Variants in SMIM45 observed in about 807,000 individuals in gnomAD.
The protein encoded by SMIM45 is small integral membrane protein 45, also known as long intergenic non-protein coding RNA 634.
the SMIM45 span, chr22:41,947,083 C>T: frequency 2.5e-6 from 4 of 1,612,782 alleles, no homozygotes; most frequent in African/African-American, 1.3e-5. Context: ...ACATCACAGC[C>T]GCAGGACCAA....
the SMIM45 span, among the ~76,000 whole-genome samples, chr22:41,947,526 C>T: frequency 6.6e-6 from 1 of 152,066 alleles, no homozygotes; most frequent in Admixed American, 6.6e-5. Flanking sequence ...CGTCACCACG[C>T]CCGACTTATT....
chr22:41,947,911 C>T, the SMIM45 span, among the ~76,000 whole-genome samples: 4 of 152,146 alleles, frequency 2.6e-5, no homozygotes, highest in East Asian at 1.9e-4. Flanking sequence ...CTGGGACTAC[C>T]GCTGCACACC....
At chr22:41,952,240 C>T in the SMIM45 span, 3 of 152,428 alleles carry the variant, frequency 2.0e-5, no homozygotes, top group African/African-American at 4.8e-5. Context: ...GTGAGAAGCT[C>T]GTCTCCCGTG....
chr22:41,953,527 G>A, the SMIM45 span, among the ~76,000 whole-genome samples: 2 of 152,188 alleles, frequency 1.3e-5, no homozygotes, highest in African/African-American at 4.8e-5. Context: ...CTGGGCCTCA[G>A]TTTCTTCATC....
At chr22:41,949,122 G>C in the SMIM45 span, among the ~76,000 whole-genome samples, 3 of 152,164 alleles carry the variant, frequency 2.0e-5, no homozygotes, top group East Asian at 5.8e-4. Context: ...GCGGGCGCCT[G>C]TAATACCACC....
At chr22:41,956,808 C>T in the SMIM45 span, among the ~76,000 whole-genome samples, 1 of 152,208 alleles carries the variant, frequency 6.6e-6, no homozygotes, top group Non-Finnish European at 1.5e-5. Flanking sequence ...CAGAACTGCT[C>T]ATGGTTAAGT....
the SMIM45 span, among the ~76,000 whole-genome samples, chr22:41,949,559 C>T: frequency 5.3e-5 from 8 of 152,278 alleles, no homozygotes; most frequent in East Asian, 1.5e-3. Flanking sequence ...AGACTGAGGC[C>T]CTTAGAGAGT....
the SMIM45 span, among the ~76,000 whole-genome samples, chr22:41,951,831 C>T: frequency 3.9e-5 from 6 of 152,264 alleles, no homozygotes; most frequent in South Asian, 2.1e-4. Flanking sequence ...TGTCCCCACC[C>T]GCTTGCCATT....
At chr22:41,947,990 CTT>C in the SMIM45 span, among the ~76,000 whole-genome samples, 1 of 152,146 alleles carries the variant, frequency 6.6e-6, no homozygotes, top group East Asian at 1.9e-4. Flanking sequence ...CAATGGGAGA[CTT>C]TACCTCATCT....
the SMIM45 span, chr22:41,958,567 G>C: frequency 2.8e-6 from 1 of 351,890 alleles, no homozygotes; most frequent in African/African-American, 2.2e-5. Context: ...AGAGAGTGTG[G>C]GGGCCCCAGG....
chr22:41,950,072 C>T, the SMIM45 span, among the ~76,000 whole-genome samples: 1 of 151,496 alleles, frequency 6.6e-6, no homozygotes, highest in South Asian at 2.1e-4. Flanking sequence ...CCAGAACCCC[C>T]ACCCCCACCC....
At chr22:41,953,740 G>GTTTTTTTTTTT in the SMIM45 span, among the ~76,000 whole-genome samples, 2 of 89,324 alleles carry the variant, frequency 2.2e-5, 1 homozygote, top group Non-Finnish European at 5.0e-5. Flanking sequence ...TCTGTGATCT[G>GTTTTTTTTTTT]TTTTTTTTTT....
At chr22:41,958,483 G>GGAGAGAGAGAGAGAGA in the SMIM45 span, 243 of 356,030 alleles carry the variant, frequency 6.8e-4, 1 homozygote, top group Middle Eastern at 5.1e-3. Flanking sequence ...GGGTTGGTGA[G>GGAGAGAGAGAGAGAGA]GAGAGAGAGA....
At chr22:41,950,001 G>C in the SMIM45 span, among the ~76,000 whole-genome samples, 1 of 151,288 alleles carries the variant, frequency 6.6e-6, no homozygotes. Flanking sequence ...CGGCTTCTGT[G>C]GAGCCCTGGG....
the SMIM45 span, among the ~76,000 whole-genome samples, chr22:41,948,228 C>T: frequency 3.3e-3 from 504 of 152,306 alleles, 7 homozygotes; most frequent in African/African-American, 0.011. Context: ...GTCCCTGGTA[C>T]ATCGTAGTTA....
chr22:41,958,186 C>T, the SMIM45 span: 1 of 405,768 alleles, frequency 2.5e-6, no homozygotes, highest in South Asian at 1.8e-5. Flanking sequence ...CTTTGCGCTG[C>T]GCAGCACTCT....
At chr22:41,953,740 G>GTTT in the SMIM45 span, among the ~76,000 whole-genome samples, 66 of 89,316 alleles carry the variant, frequency 7.4e-4, 4 homozygotes, top group African/African-American at 1.5e-3. Flanking sequence ...TCTGTGATCT[G>GTTT]TTTTTTTTTT....
chr22:41,947,065 C>T, the SMIM45 span: 13 of 1,612,912 alleles, frequency 8.1e-6, no homozygotes, highest in Non-Finnish European at 1.0e-5. Flanking sequence ...CCAGGGGCCT[C>T]AACACCGACA....
the SMIM45 span, among the ~76,000 whole-genome samples, chr22:41,949,898 G>A: frequency 8.1e-3 from 1,231 of 152,250 alleles, 3 homozygotes; most frequent in Non-Finnish European, 0.013. Context: ...GTAGGGATGG[G>A]GAGGAGGCCA....
Sources: allele counts gnomAD v4.1 joint callset (sites outside exome capture counted in the v4.1 genomes callset), GRCh38; gene constraint gnomAD v4.1.1; transcripts MANE v1.5; gene names NCBI Gene and HGNC (gene_info 2026-07-23, HGNC 2026-07-21).